The following SUGCT variants were observed in gnomAD, a reference collection of about 807,000 sequenced individuals.
The protein encoded by SUGCT is succinyl-CoA:glutarate CoA-transferase.
A neutral mutation model predicts 55.0 loss-of-function variants in SUGCT; 41 were observed. That is an observed-to-expected ratio of 0.74 (90% CI 0.58 to 0.97). The LOEUF (loss-of-function observed/expected upper bound fraction) is 0.97, where lower values mean the gene tolerates loss of function less well. SUGCT is among the 50% of genes least tolerant of loss of function. SUGCT has a pLI of 0.00. For missense variants in SUGCT, 568 were observed against 547.8 expected (o/e 1.04, Z -0.37); for synonymous variants, 187 against 200.4 (o/e 0.93, Z 0.56).
chr7:40,296,623 GT>G (rs1794167740), intron 8 of SUGCT, among the ~76,000 whole-genome samples: 1 of 19,266 alleles, frequency 5.2e-5, no homozygotes, highest in Non-Finnish European at 2.0e-4. Flanking sequence ...GTGTGTGTGT[GT>G]GTGTGTGTGT....
At chr7:40,418,912 G>A (rs751258104) in intron 9 of SUGCT, among the ~76,000 whole-genome samples, 5 of 152,240 alleles carry the variant, frequency 3.3e-5, no homozygotes, top group East Asian at 1.9e-4. Flanking sequence ...AAACTGTAAC[G>A]TACTTGTAAC....
chr7:40,960,501 C>G, the SUGCT span, among the ~76,000 whole-genome samples: 20 of 152,140 alleles, frequency 1.3e-4, no homozygotes. Context: ...TGAAACCAGA[C>G]AAAATCCTGG....
chr7:40,448,743 GCTGGGGCAGGAGGATTGCTTAAAC>G (rs1454089613), intron 9 of SUGCT, among the ~76,000 whole-genome samples: 1 of 152,110 alleles, frequency 6.6e-6, no homozygotes, highest in Non-Finnish European at 1.5e-5. Context: ...TACACAGGAG[GCTGGGGCAGGAGGATTGCTTAAAC>G]CTGGGAGGTG....
chr7:40,979,617 G>T, the SUGCT span: 1 of 152,276 alleles, frequency 6.6e-6, no homozygotes, highest in South Asian at 2.1e-4. Context: ...AAAGTCAGTT[G>T]CTCTTTTCTT....
At chr7:40,854,715 G>C (rs1794080047) in intron 13 of SUGCT, among the ~76,000 whole-genome samples, 1 of 151,944 alleles carries the variant, frequency 6.6e-6, no homozygotes, top group Non-Finnish European at 1.5e-5. Flanking sequence ...GCTGAGGTAG[G>C]ACGATGAGGC....
intron 8 of SUGCT, among the ~76,000 whole-genome samples, chr7:40,284,883 A>T (rs1200398756): frequency 6.6e-6 from 1 of 152,240 alleles, no homozygotes; most frequent in Non-Finnish European, 1.5e-5. Flanking sequence ...ATTGACTTCA[A>T]TACAAAATAT....
chr7:40,189,379 T>TAGTATTTTA (rs1406885329), intron 4 of SUGCT, among the ~76,000 whole-genome samples, 165 bp from the exon 5 acceptor site: 1 of 148,486 alleles, frequency 6.7e-6, no homozygotes, highest in Non-Finnish European at 1.5e-5. Context: ...ACTTTTATGA[T>TAGTATTTTA]AGTATTTTAA....
chr7:40,709,460 AGTCTAGCCTTG>A (rs1225735618), intron 12 of SUGCT, among the ~76,000 whole-genome samples: 1 of 152,232 alleles, frequency 6.6e-6, no homozygotes, highest in Non-Finnish European at 1.5e-5. Flanking sequence ...TCTTAGGCAA[AGTCTAGCCTTG>A]GTCTGGTCCC....
At position 40,220,291 on chromosome 7, in the gene SUGCT, C is replaced by T. The variant is rs191148155; in HGVS notation, c.485-17344C>T. Among the ~76,000 whole-genome samples, 354 of 152,278 alleles carry T rather than the reference C, an allele frequency of 2.3e-3. 2 individuals are homozygous for T. The highest frequency in any genetic ancestry group is 8.2e-3 in the African/African-American group (342 of 41,554). ...GTAGGAACTACTTTTGCTGCATTCC[C>T]TGATATTCCATCTGGCTGTAATGAT... On this transcript the variant is annotated intron_variant, in intron 6 of 13. Transcript: ENST00000335693.
At chr7:40,508,298 C>A (rs902825003) in intron 12 of SUGCT, among the ~76,000 whole-genome samples, 15 of 152,098 alleles carry the variant, frequency 9.9e-5, no homozygotes, top group Admixed American at 9.8e-4. Flanking sequence ...CTTGGCCTGC[C>A]GTGCCTAAGG....
At chr7:40,509,451 C>T (rs1004815105) in intron 12 of SUGCT, among the ~76,000 whole-genome samples, 1 of 152,088 alleles carries the variant, frequency 6.6e-6, no homozygotes, top group African/African-American at 2.4e-5. Context: ...GGAATGTTTC[C>T]TTTCTTAGGG....
At chr7:40,147,753 C>T (rs1055388029) in intron 1 of SUGCT, among the ~76,000 whole-genome samples, 7 of 152,126 alleles carry the variant, frequency 4.6e-5, no homozygotes, top group East Asian at 1.9e-4. Flanking sequence ...GGGGGCGGGG[C>T]GGACCTCCTC....
intron 7 of SUGCT, among the ~76,000 whole-genome samples, chr7:40,272,063 GTC>G (rs1235672821): frequency 1.4e-5 from 1 of 70,788 alleles, no homozygotes. Flanking sequence ...CTCTCTCTCT[GTC>G]TCGCTCTCTC....
chr7:40,723,219 G>A (rs1383162821), intron 12 of SUGCT, among the ~76,000 whole-genome samples: 4 of 151,818 alleles, frequency 2.6e-5, no homozygotes, highest in Non-Finnish European at 4.4e-5. Context: ...TTAGCAGGAG[G>A]TAAAGGAACT....
chr7:40,670,443 G>A (rs200958492), intron 12 of SUGCT, among the ~76,000 whole-genome samples: 1 of 151,942 alleles, frequency 6.6e-6, no homozygotes. Context: ...GAGAAAGAAC[G>A]TACTAATGTC....
intron 12 of SUGCT, among the ~76,000 whole-genome samples, chr7:40,687,828 A>C (rs893550892): frequency 6.6e-6 from 1 of 151,988 alleles, no homozygotes; most frequent in Non-Finnish European, 1.5e-5. Context: ...CTCCTTCACC[A>C]GGCTTCTGTG....
rs1393440006 is a variant in SUGCT at position 40,627,325 on chromosome 7, A to G, written c.1090-122109A>G. Among the ~76,000 whole-genome samples, 7 of 152,328 alleles carry G rather than the reference A, an allele frequency of 4.6e-5. No homozygotes were observed. The East Asian group carries it at 7.7e-4, about 17-fold the overall frequency. On this transcript the variant is annotated intron_variant, in intron 12 of 13. Transcript: ENST00000335693. ...TGGATACAGAATCTTCTTGGGTCCA[A>G]ATACCTGCTAGAGCTTTCCTATTGG... is the stretch of plus-strand genomic sequence containing the variant.
intron 9 of SUGCT, among the ~76,000 whole-genome samples, chr7:40,367,332 G>C (rs1294102268): frequency 2.0e-5 from 3 of 150,538 alleles, no homozygotes; most frequent in African/African-American, 2.5e-5. Context: ...CGAGTTAATG[G>C]GTGCAGGACA....
the SUGCT span, among the ~76,000 whole-genome samples, chr7:40,996,271 C>T: frequency 6.6e-6 from 1 of 152,246 alleles, no homozygotes; most frequent in African/African-American, 2.4e-5. Flanking sequence ...TCTTCCTGTA[C>T]ATGAAACATT....
Sources: gnomAD v4.1 joint callset for allele counts (sites outside exome capture counted in the v4.1 genomes callset) on GRCh38, gnomAD v4.1.1 for gene constraint, MANE v1.5 for transcripts, NCBI Gene and HGNC (gene_info 2026-07-23, HGNC 2026-07-21) for gene names.